The following PPP4R3A variants were observed in gnomAD, a reference collection of about 807,000 sequenced individuals.
The protein encoded by PPP4R3A is protein phosphatase 4 regulatory subunit 3A.
In PPP4R3A, 15 loss-of-function variants were observed where a neutral mutation model predicts 91.7. The ratio of observed to expected loss-of-function variants is 0.16; its 90% confidence interval spans 0.11 to 0.25. The LOEUF is 0.25. PPP4R3A is among the 10% of genes least tolerant of loss of function. The pLI is 1.00. For missense variants in PPP4R3A, 623 were observed against 998.4 expected (o/e 0.62, Z 5.07); for synonymous variants, 377 against 348.7 (o/e 1.08, Z -0.91).
chr14:91,507,282 T>C (rs1432260383), intron 1 of PPP4R3A, among the ~76,000 whole-genome samples: 1 of 149,110 alleles, frequency 6.7e-6, no homozygotes, highest in African/African-American at 2.5e-5. Context: ...GATGGTGCCA[T>C]TGCACTCCAG....
At chr14:91,477,110 C>CTTT (rs66932962) in intron 4 of PPP4R3A, 124 bp from the exon 5 acceptor site, 179 of 429,422 alleles carry the variant, frequency 4.2e-4, no homozygotes, top group South Asian at 8.0e-4. Context: ...GCAATGCTGT[C>CTTT]TTTTTTTTTT....
At chr14:91,499,948 T>C (rs1467374646) in intron 1 of PPP4R3A, among the ~76,000 whole-genome samples, 2 of 151,716 alleles carry the variant, frequency 1.3e-5, no homozygotes, top group African/African-American at 2.4e-5. Flanking sequence ...ACACTACACC[T>C]CTGGGGATTG....
At chr14:91,471,603 A>C (rs1234236851) in intron 9 of PPP4R3A, among the ~76,000 whole-genome samples, 2 of 152,226 alleles carry the variant, frequency 1.3e-5, no homozygotes. Flanking sequence ...ATCTTAATAA[A>C]GGTTGGAGGA....
Position 91,458,496 on chromosome 14 carries a change from T to C in PPP4R3A, c.*263A>G. 1 of 510,260 alleles carries C rather than the reference T, an allele frequency of 2.0e-6. No individual in the cohort carries two copies. Among genetic ancestry groups the C allele is most frequent in the Non-Finnish European group, 3.5e-6 (1 of 282,090 alleles). 31.6% of individuals were successfully genotyped at this position (510,260 alleles called of 1,614,324 possible). A position where few individuals can be genotyped will look rare whatever the true frequency, so the allele number is the denominator to read the frequency against. On this transcript the variant is annotated 3_prime_UTR_variant, in exon 15 of 15. Transcript: ENST00000554943. ...CAAAACCCCTGCCCTGTTGGCTTTTTGTTTCCATTTCCTTCCCTGAGAAAA... is the reference window on the plus strand; with the variant it reads ...CAAAACCCCTGCCCTGTTGGCTTTTCGTTTCCATTTCCTTCCCTGAGAAAA...
intron 1 of PPP4R3A, among the ~76,000 whole-genome samples, chr14:91,491,997 C>T (rs1890256901): frequency 6.6e-6 from 1 of 152,188 alleles, no homozygotes; most frequent in African/African-American, 2.4e-5. Context: ...AGCCACTGCA[C>T]CCAGCCAATA....
Position 91,462,697 on chromosome 14 carries a change from G to C in PPP4R3A, c.1973+38C>G, listed in dbSNP as rs1424212729. ...CAATAAAGCCACTACCATACGACTT[G>C]ATGCTGAACGAATAGGTTTAAATAT... On this transcript the variant is annotated intron_variant, in intron 12 of 14. Transcript: ENST00000554943. 11 of 1,610,494 alleles carry C rather than the reference G, an allele frequency of 6.8e-6. No homozygotes were observed. The South Asian group carries it at 1.2e-4, about 18-fold the overall frequency.
At chr14:91,485,585 C>T (rs770588441) in intron 3 of PPP4R3A, 47 bp downstream of exon 3, 174 of 1,384,912 alleles carry the variant, frequency 1.3e-4, no homozygotes, top group Non-Finnish European at 1.6e-4. Context: ...TGGCAAAAAA[C>T]TAAACACTTA....
rs1887895923 is a variant in PPP4R3A, at chr14:91,458,313, TGATTTTAAAGGCAG to T, written c.*432_*445del. On this transcript the variant is annotated 3_prime_UTR_variant, in exon 15 of 15. Coordinates refer to ENST00000554943, the MANE Select transcript of PPP4R3A (RefSeq NM_001366432.2). ...GCTTGACTAAAATGTTCAGAATGTA[TGATTTTAAAGGCAG>T]GTCTCTTTATACAAAGAAACTGCTG... 5.1e-6 allele frequency: 1 copy of T among 194,290 alleles called. No individual in the cohort carries two copies. The allele number at this position is 194,290 out of a possible 1,614,324, so 12.0% of individuals were successfully genotyped here.
intron 11 of PPP4R3A, among the ~76,000 whole-genome samples, chr14:91,463,217 C>T (rs1182872608): frequency 6.6e-6 from 1 of 152,012 alleles, no homozygotes; most frequent in Non-Finnish European, 1.5e-5. Flanking sequence ...ATGCATGCAC[C>T]ACCACGCCTG....
rs752568401 is a variant in PPP4R3A at position 91,476,498 on chromosome 14, C to T, written c.1020G>A (p.Ala340=). Reference sequence around the variant, plus strand: ...TTTGAGGCTGTAGCGTTTGGGAAAACGCACAAAATTCTTTTAAAAAGTTAA... The same window carrying T: ...TTTGAGGCTGTAGCGTTTGGGAAAATGCACAAAATTCTTTTAAAAAGTTAA... ...ELVNFLKEFC[A]FSQTLQPQNR... The change falls in exon 6 of 15, where the codon GCG becomes GCA. Residue 340 remains alanine, a synonymous_variant. Transcript: ENST00000554943. 62 of 1,599,178 alleles carry T rather than the reference C, an allele frequency of 3.9e-5. No homozygotes were observed. The highest frequency in any genetic ancestry group is 1.7e-4 in the Middle Eastern group (1 of 5,828).
In PPP4R3A at chr14:91,490,730, C is replaced by T; in HGVS notation, c.198+17G>A. On this transcript the variant is annotated intron_variant, in intron 2 of 14. Coordinates refer to ENST00000554943, the MANE Select transcript of PPP4R3A (RefSeq NM_001366432.2). ...AAAGGAAAATATGCAAGATAAAACACATCTTCAAAATTTTACCTGTTGTTT... is the reference window on the plus strand; with the variant it reads ...AAAGGAAAATATGCAAGATAAAACATATCTTCAAAATTTTACCTGTTGTTT... 2.5e-6 allele frequency: 4 copies of T among 1,599,478 alleles called. No homozygotes were observed. Among genetic ancestry groups the T allele is most frequent in the South Asian group, 1.1e-5 (1 of 89,396 alleles).
intron 1 of PPP4R3A, 129 bp downstream of exon 1, chr14:91,509,377 C>T (rs1156699643): frequency 1.5e-6 from 2 of 1,364,380 alleles, no homozygotes; most frequent in Non-Finnish European, 2.0e-6. Flanking sequence ...CCCGTCCTCC[C>T]CCGAGGTGGC....
chr14:91,485,612 T>G lies in PPP4R3A; in HGVS notation c.297+20A>C, dbSNP rs769794328. 93 of 1,558,742 alleles carry G rather than the reference T, an allele frequency of 6.0e-5. No homozygotes were observed. In the African/African-American group the frequency reaches 1.0e-3, roughly 17 times the overall value. On this transcript the variant is annotated intron_variant, in intron 3 of 14. Coordinates refer to ENST00000554943, the MANE Select transcript of PPP4R3A (RefSeq NM_001366432.2). ...AAACACTTAAAGAAAGCATGTTGAT[T>G]TTTTTATTTAAAAAATTACCTGACA...
In PPP4R3A at chr14:91,509,669, C is replaced by T; in HGVS notation, c.-22G>A. ...TCATCGTGCCGCCCGGGAACCGGGG[C>T]GGGGGCCCCGCCAGTAGACGCCCAG... On this transcript the variant is annotated 5_prime_UTR_variant, in exon 1 of 15. Coordinates refer to ENST00000554943, the MANE Select transcript of PPP4R3A (RefSeq NM_001366432.2). The T allele has an allele frequency of 6.4e-7, 1 of 1,567,206 alleles. No homozygotes were observed.
At chr14:91,477,985 T>G (rs1011038128) in intron 4 of PPP4R3A, among the ~76,000 whole-genome samples, 1 of 152,178 alleles carries the variant, frequency 6.6e-6, no homozygotes, top group African/African-American at 2.4e-5. Context: ...TGGAAGTAGA[T>G]TCAATACCAC....
At chr14:91,473,482 T>C (rs1888975077) in intron 7 of PPP4R3A, 112 bp from the exon 8 acceptor site, 2 of 1,142,280 alleles carry the variant, frequency 1.8e-6, no homozygotes, top group Non-Finnish European at 2.4e-6. Context: ...TTTTGTTAAC[T>C]GCAAAGTGAA....
At chr14:91,494,448 A>T (rs1369532048) in intron 1 of PPP4R3A, among the ~76,000 whole-genome samples, 1 of 152,222 alleles carries the variant, frequency 6.6e-6, no homozygotes, top group African/African-American at 2.4e-5. Context: ...GACTCTTACA[A>T]CTCAATATTA....
At chr14:91,498,547 T>C (rs949181078) in intron 1 of PPP4R3A, among the ~76,000 whole-genome samples, 2 of 152,210 alleles carry the variant, frequency 1.3e-5, no homozygotes, top group Non-Finnish European at 2.9e-5. Flanking sequence ...TAAAGGTATC[T>C]AGCTGGGCGT....
chr14:91,504,399 C>T (rs1322123328), intron 1 of PPP4R3A, among the ~76,000 whole-genome samples: 5 of 150,816 alleles, frequency 3.3e-5, no homozygotes, highest in Admixed American at 2.6e-4. Flanking sequence ...GTCAGGAGTT[C>T]GAGATCGGCC....
Sources: allele counts gnomAD v4.1 joint callset (sites outside exome capture counted in the v4.1 genomes callset), GRCh38; gene constraint gnomAD v4.1.1; transcripts MANE v1.5; gene names NCBI Gene and HGNC (gene_info 2026-07-23, HGNC 2026-07-21).